Variants in COL27A1 observed in about 807,000 individuals in gnomAD.
COL27A1 encodes the protein collagen alpha-1(XXVII) chain.
COL27A1 carries 106 observed loss-of-function variants against 251.3 expected under a neutral mutation model. That is an observed-to-expected ratio of 0.42 (90% CI 0.36 to 0.50). The LOEUF (loss-of-function observed/expected upper bound fraction) is 0.50. COL27A1 is among the 20% of genes least tolerant of loss of function. The pLI, the probability that COL27A1 is intolerant of heterozygous loss-of-function variation, is 0.00. For missense variants in COL27A1, 2,325 were observed against 2,522.8 expected (o/e 0.92, Z 1.68); for synonymous variants, 1,000 against 986.3 (o/e 1.01, Z -0.26).
chr9:114,211,091 G>A, intron 12 of COL27A1, 65 bp downstream of exon 12: 1 of 1,513,176 alleles, frequency 6.6e-7, no homozygotes, highest in Non-Finnish European at 9.2e-7. Flanking sequence ...CGGCCACGCT[G>A]CCCTGGCCAC....
chr9:114,265,401 A>G (rs1834669996), intron 31 of COL27A1, 21 bp from the exon 32 acceptor site: 1 of 1,612,280 alleles, frequency 6.2e-7, no homozygotes, highest in Non-Finnish European at 8.5e-7. Context: ...GCCTAAGGTC[A>G]CCTTTACCTT....
intron 25 of COL27A1, among the ~76,000 whole-genome samples, chr9:114,250,879 CAGTT>C (rs1488922793): frequency 6.6e-6 from 1 of 152,132 alleles, no homozygotes; most frequent in Non-Finnish European, 1.5e-5. Flanking sequence ...GCCTCAAGCA[CAGTT>C]AGACTTTTGT....
At chr9:114,226,710 G>T (rs1831493782) in intron 14 of COL27A1, among the ~76,000 whole-genome samples, 1 of 152,240 alleles carries the variant, frequency 6.6e-6, no homozygotes, top group Admixed American at 6.5e-5. Context: ...TCCTCAGAGG[G>T]ATTATAAGTG....
chr9:114,175,087 TC>T (rs1827308379), intron 3 of COL27A1, among the ~76,000 whole-genome samples: 1 of 12,166 alleles, frequency 8.2e-5, no homozygotes, highest in South Asian at 7.4e-3. Context: ...GTGGACTTGT[TC>T]CGTAGGATGG....
chr9:114,310,972 A>G lies in COL27A1; in HGVS notation c.*277A>G, dbSNP rs1829404705. On this transcript the variant is annotated 3_prime_UTR_variant, in exon 61 of 61. Transcript: ENST00000356083. ...ACCTGCCTGAGCCCCGTGGCCTCTC[A>G]GCTCTGCGGCCACCCCGTTCCCTCC... 2 of 351,828 alleles carry G rather than the reference A, an allele frequency of 5.7e-6. No homozygotes were observed. The highest frequency in any genetic ancestry group is 1.0e-5 in the Non-Finnish European group (2 of 192,006). The allele number at this position is 351,828 out of a possible 1,614,324, so 21.8% of individuals were successfully genotyped here.
intron 2 of COL27A1, among the ~76,000 whole-genome samples, chr9:114,166,368 A>ATCC (rs1554786336): frequency 1.1e-4 from 4 of 37,080 alleles, no homozygotes; most frequent in Non-Finnish European, 2.7e-4. Context: ...TCCATCCATC[A>ATCC]ATCCATCCAT....
At position 114,211,024 on chromosome 9, in the gene COL27A1, C is replaced by T. The variant is rs1830319622; in HGVS notation, c.2365C>T (p.Pro789Ser). The change falls in exon 12 of 61, where the codon CCG becomes TCG. Residue 789 changes from proline (P) to serine (S), a missense_variant and splice_region_variant. Physicochemically the swap from Pro to Ser is moderately conservative, Grantham distance 74. Transcript: ENST00000356083. ...VPGKRGKMGM[P>S]GFPGVFGERG... ...TGGCAAGAGGGGCAAGATGGGTATG[C>T]CGGTAAAGATTTTCCGTGTCTATTA... 1 of 1,614,170 alleles carries T rather than the reference C, an allele frequency of 6.2e-7. No homozygotes were observed.
In COL27A1 at chr9:114,167,920, G is replaced by A. The variant is rs775952838; in HGVS notation, c.365G>A (p.Arg122His). The A allele has an allele frequency of 5.6e-6, 9 of 1,611,422 alleles. No individual in the cohort carries two copies. The East Asian group carries it at 6.7e-5, about 12-fold the overall frequency. Residue 122 changes from arginine to histidine, a missense_variant, in exon 3 of 61, where the codon CGC (arginine) becomes CAC (histidine). Physicochemically the swap from Arg to His is conservative, Grantham distance 29. Around this residue, in one of 4 missense-constraint regions of COL27A1, gnomAD observed 1,183 missense variants for 1,144.1 expected, o/e 1.03. Transcript: ENST00000356083. ...CTCTTCGCTGTCCGCAGCCAGAAACGCAAGCTGCAGCTGGGCCTGCAGTTC... is the reference window on the plus strand; with the variant it reads ...CTCTTCGCTGTCCGCAGCCAGAAACACAAGCTGCAGCTGGGCCTGCAGTTC... ...AFLFAVRSQK[R>H]KLQLGLQFLP...
At chr9:114,197,522 TC>T (rs1829232937) in intron 7 of COL27A1, among the ~76,000 whole-genome samples, 1 of 152,278 alleles carries the variant, frequency 6.6e-6, no homozygotes, top group Non-Finnish European at 1.5e-5. Flanking sequence ...AAAGGCTCCT[TC>T]CGGTCCCAGC....
chr9:114,228,578 G>A (rs561027046), intron 14 of COL27A1, among the ~76,000 whole-genome samples: 1 of 152,336 alleles, frequency 6.6e-6, no homozygotes, highest in Non-Finnish European at 1.5e-5. Context: ...AATCCCAGCG[G>A]TGCCCCGACT....
chr9:114,288,361 T>G, intron 41 of COL27A1, 94 bp from the exon 42 acceptor site: 1 of 1,309,788 alleles, frequency 7.6e-7, no homozygotes, highest in African/African-American at 1.4e-5. Context: ...CTAAGCAGGC[T>G]AGAATTCATC....
At chr9:114,306,817 T>A in intron 58 of COL27A1, 129 bp downstream of exon 58, 1 of 981,664 alleles carries the variant, frequency 1.0e-6, no homozygotes, top group Non-Finnish European at 1.5e-6. Flanking sequence ...GGCAGTCATT[T>A]ATTCACTCAG....
chr9:114,215,475 T>G (rs1265729557), intron 12 of COL27A1, among the ~76,000 whole-genome samples: 1 of 152,114 alleles, frequency 6.6e-6, no homozygotes, highest in East Asian at 1.9e-4. Context: ...CTTCCTATTT[T>G]CTCCTTGTCC....
chr9:114,231,141 G>A lies in COL27A1; in HGVS notation c.2520+9G>A. On this transcript the variant is annotated intron_variant, in intron 15 of 60. Coordinates refer to ENST00000356083, the MANE Select transcript of COL27A1 (RefSeq NM_032888.4). Reference sequence around the variant, plus strand: ...GACCCAAGGGCATGAAGGTAAGCAAGGGATGTTCCCCCGATTCAGGCCTTG... The same window carrying A: ...GACCCAAGGGCATGAAGGTAAGCAAAGGATGTTCCCCCGATTCAGGCCTTG... 1.2e-6 allele frequency: 2 copies of A among 1,613,286 alleles called. No individual in the cohort carries two copies. Among genetic ancestry groups the A allele is most frequent in the South Asian group, 2.2e-5 (2 of 90,738 alleles).
At chr9:114,261,569 C>T (rs902909996) in intron 28 of COL27A1, among the ~76,000 whole-genome samples, 2 of 152,234 alleles carry the variant, frequency 1.3e-5, no homozygotes, top group Non-Finnish European at 2.9e-5. Context: ...GCCAAGCCAG[C>T]TTCTCCCGGG....
chr9:114,222,106 TAAG>T (rs1164274722), intron 13 of COL27A1, 114 bp from the exon 14 acceptor site: 2 of 848,388 alleles, frequency 2.4e-6, no homozygotes, highest in Non-Finnish European at 4.0e-6. Context: ...TGGTCAGGAA[TAAG>T]GAGTGTTCAG....
In COL27A1 at chr9:114,300,111, C is replaced by G; in HGVS notation, c.4626C>G (p.Leu1542=). The G allele has an allele frequency of 6.2e-7, 1 of 1,614,046 alleles. No homozygotes were observed. Among genetic ancestry groups the G allele is most frequent in the East Asian group, 2.2e-5 (1 of 44,892 alleles). ...GEMGFPGMAG[L]FGPKGPPGDI... The stretch of plus-strand genomic sequence containing the variant: ...TGGGCTTCCCAGGAATGGCAGGTCT[C>G]TTCGGACCCAAGGTATGGACTCCCA... Residue 1542 remains leucine, a synonymous_variant, in exon 50 of 61, where the codon CTC becomes CTG. Coordinates refer to ENST00000356083, the MANE Select transcript of COL27A1 (RefSeq NM_032888.4).
In COL27A1 at chr9:114,243,547, T is replaced by C. The variant is rs754262945; in HGVS notation, c.2921T>C (p.Leu974Pro). The C allele has an allele frequency of 1.9e-6, 3 of 1,613,588 alleles. No homozygotes were observed. The highest frequency in any genetic ancestry group is 2.5e-6 in the Non-Finnish European group (3 of 1,179,710). Residue 974 changes from leucine (L) to proline (P), a missense_variant, in exon 23 of 61, where the codon CTG (leucine) becomes CCG (proline). Physicochemically the swap from Leu to Pro is moderately conservative, Grantham distance 98 (BLOSUM62 -3). This residue lies in a region of COL27A1 where 662 missense variants were observed against 795.3 expected (regional missense o/e 0.83). Coordinates refer to ENST00000356083, the MANE Select transcript of COL27A1 (RefSeq NM_032888.4). ...AAGGGGTTTCCTGGGAGGCCCGGCC[T>C]GGATGGCGTGAAGGTGAGGGGACCT... ...GRKGFPGRPGLDGVKGEPGDP... is the reference protein window; with the variant it reads ...GRKGFPGRPGPDGVKGEPGDP...
chr9:114,194,404 G>C lies in COL27A1; in HGVS notation c.2017G>C (p.Gly673Arg), dbSNP rs1294767621. The change falls in exon 6 of 61, where the codon GGA (glycine) becomes CGA (arginine). Residue 673 changes from glycine (G) to arginine (R), a missense_variant and splice_region_variant. Transcript: ENST00000356083. Reference protein sequence around the residue: ...PGLPGPPGAKGQKGDPGLSPG... With the variant: ...PGLPGPPGAKRQKGDPGLSPG... ...CAAAGTGGAATTGTTTTTGTTTCAG[G>C]GACAGAAAGGGGACCCAGGGCTCTC... 6.2e-7 allele frequency: 1 copy of C among 1,613,296 alleles called. No individual in the cohort carries two copies. The highest frequency in any genetic ancestry group is 8.5e-7 in the Non-Finnish European group (1 of 1,179,688).
Sources: allele counts gnomAD v4.1 joint callset (sites outside exome capture counted in the v4.1 genomes callset), GRCh38; gene constraint gnomAD v4.1.1; regional missense constraint gnomAD v4.1.1; transcripts MANE v1.5; gene names NCBI Gene and HGNC (gene_info 2026-07-23, HGNC 2026-07-21).